Variants in RAPGEF1 observed in about 807,000 individuals in gnomAD.
RAPGEF1 encodes the protein Rap guanine nucleotide exchange factor 1.
A neutral mutation model predicts 143.3 loss-of-function variants in RAPGEF1; 33 were observed. The observed-to-expected ratio is 0.23, with a 90% CI of 0.17 to 0.31. RAPGEF1 has a LOEUF of 0.31. RAPGEF1 is among the 10% of genes least tolerant of loss of function. RAPGEF1 has a pLI of 1.00. For synonymous variants in RAPGEF1, 629 were observed against 676.5 expected, an observed-to-expected ratio of 0.93 and a Z score of 1.09; for missense variants, 1,199 against 1,645.4, an observed-to-expected ratio of 0.73 and a Z score of 4.69.
At chr9:131,709,549 T>A (rs1397974927) in intron 1 of RAPGEF1, 1 of 1,458,334 alleles carries the variant, frequency 6.9e-7, no homozygotes, top group Non-Finnish European at 9.6e-7. Context: ...TCAGCTCTGC[T>A]GCTGGGCCAG....
chr9:131,701,617 T>C (rs557989944), intron 1 of RAPGEF1, among the ~76,000 whole-genome samples: 24 of 152,378 alleles, frequency 1.6e-4, no homozygotes, highest in Non-Finnish European at 1.0e-4. Context: ...CAATACATAA[T>C]GGATTGCATA....
At chr9:131,638,202 TAAATA>T (rs1966840777) in intron 5 of RAPGEF1, among the ~76,000 whole-genome samples, 1 of 152,234 alleles carries the variant, frequency 6.6e-6, no homozygotes, top group Non-Finnish European at 1.5e-5. Context: ...GGATATCAAG[TAAATA>T]CAGAAAGTTC....
intron 1 of RAPGEF1, among the ~76,000 whole-genome samples, chr9:131,721,643 G>T (rs1836273481): frequency 6.6e-6 from 1 of 151,950 alleles, no homozygotes; most frequent in Non-Finnish European, 1.5e-5. Flanking sequence ...CTGATTCTAA[G>T]TCACAGACAT....
At chr9:131,654,861 T>G (rs1887786) in intron 1 of RAPGEF1, among the ~76,000 whole-genome samples, 32,706 of 152,146 alleles carry the variant, frequency 0.21, 4,182 homozygotes, top group Non-Finnish European at 0.29. Flanking sequence ...GAAGACTGCT[T>G]CTTTTAGTAA....
chr9:131,615,992 C>T (rs899721632), intron 12 of RAPGEF1, among the ~76,000 whole-genome samples: 13 of 152,076 alleles, frequency 8.5e-5, no homozygotes, highest in East Asian at 1.9e-4. Flanking sequence ...CGTGGCCAGG[C>T]GCAGTGGCTC....
chr9:131,714,657 A>G (rs1040211553), intron 1 of RAPGEF1, among the ~76,000 whole-genome samples: 2 of 151,852 alleles, frequency 1.3e-5, no homozygotes, highest in Admixed American at 1.3e-4. Flanking sequence ...ACTGAGGCAG[A>G]AAGTCTGGGA....
In RAPGEF1 at chr9:131,588,816, C is replaced by A; in HGVS notation, c.3038G>T (p.Arg1013Leu). ...GGCTTCTCACCTGGCTGCTACCCCC[C>A]GGGCTGCCAGGGGCTGGCTGGAGGT... ...CATSSQPLAA[R>L]GVAARPGTLH... Residue 1013 changes from arginine (R) to leucine (L), a missense_variant, in exon 20 of 27, where the codon CGG becomes CTG. Arg to Leu is a moderately radical substitution (Grantham distance 102). Coordinates refer to ENST00000683357, the MANE Select transcript of RAPGEF1 (RefSeq NM_001377935.1). 6.2e-7 allele frequency: 1 copy of A among 1,612,838 alleles called. No homozygotes were observed. Among genetic ancestry groups the A allele is most frequent in the Non-Finnish European group, 8.5e-7 (1 of 1,179,364 alleles).
intron 4 of RAPGEF1, among the ~76,000 whole-genome samples, chr9:131,640,214 C>A (rs974193527): frequency 6.6e-6 from 1 of 152,204 alleles, no homozygotes; most frequent in African/African-American, 2.4e-5. Context: ...GTGCTTCTAA[C>A]GGCTGGGCTG....
rs546959167 is a variant in RAPGEF1 at position 131,621,233 on chromosome 9, C to G, written c.1905+563G>C. The stretch of plus-strand genomic sequence containing the variant: ...TACATGCACAGGAGTCCTTAGCACA[C>G]GAGTGTTTTCTAGAAGAGGAAGGTG... On this transcript the variant is annotated intron_variant, in intron 11 of 26. Coordinates refer to ENST00000683357, the MANE Select transcript of RAPGEF1 (RefSeq NM_001377935.1). This position sits in a 1 kb window ranked among gnomAD's most constrained non-coding sequence, Gnocchi z 4.5. 6.6e-6 allele frequency among the ~76,000 whole-genome samples: 1 copy of G among 152,222 alleles called. No individual in the cohort carries two copies. Among genetic ancestry groups the G allele is most frequent in the East Asian group, 1.9e-4 (1 of 5,190 alleles).
intron 20 of RAPGEF1, 51 bp downstream of exon 20, chr9:131,588,750 A>T (rs369642606): frequency 2.5e-5 from 38 of 1,536,674 alleles, no homozygotes; most frequent in Non-Finnish European, 3.3e-5. Flanking sequence ...GTAAACTGAG[A>T]AAGGCACGGC....
In RAPGEF1 at chr9:131,650,848, C is replaced by T. The variant is rs775289732; in HGVS notation, c.163G>A (p.Glu55Lys). 1 of 1,614,012 alleles carries T rather than the reference C, an allele frequency of 6.2e-7. No homozygotes were observed. Among genetic ancestry groups the T allele is most frequent in the Non-Finnish European group, 8.5e-7 (1 of 1,179,900 alleles). ...RTPSKKGKPA[E>K]VSVKIPEKPV... ...TTCTCTGGAATCTTTACGGACACCT[C>T]AGCTGGTTTTCCCTTCTTTGATGGC... The change falls in exon 2 of 27, where the codon GAG becomes AAG. Residue 55 changes from glutamate (E) to lysine (K), a missense_variant. Coordinates refer to ENST00000683357, the MANE Select transcript of RAPGEF1 (RefSeq NM_001377935.1). The surrounding 1 kb of genome is among the most constrained non-coding windows in gnomAD (Gnocchi z 4.7).
intron 22 of RAPGEF1, among the ~76,000 whole-genome samples, chr9:131,586,152 C>A (rs1366612682): frequency 1.3e-5 from 2 of 151,868 alleles, no homozygotes; most frequent in Non-Finnish European, 2.9e-5. Context: ...GCCGAGATTG[C>A]GCCACTGCAC....
chr9:131,618,411 A>C (rs1479760402), intron 12 of RAPGEF1, among the ~76,000 whole-genome samples: 1 of 152,214 alleles, frequency 6.6e-6, no homozygotes, highest in East Asian at 1.9e-4. Flanking sequence ...GCAGTGACAA[A>C]TGCTCACTAT....
At chr9:131,645,105 T>C (rs1969181384) in intron 3 of RAPGEF1, among the ~76,000 whole-genome samples, 1 of 152,220 alleles carries the variant, frequency 6.6e-6, no homozygotes, top group Non-Finnish European at 1.5e-5. Context: ...TACGGTCTGT[T>C]TCCAAGAGGC....
intron 1 of RAPGEF1, among the ~76,000 whole-genome samples, chr9:131,734,855 AG>A (rs1202136295): frequency 6.6e-6 from 1 of 152,212 alleles, no homozygotes; most frequent in Non-Finnish European, 1.5e-5. Flanking sequence ...TTGAAACCGT[AG>A]CACACTGAGC....
rs566131953 is a variant in RAPGEF1 at position 131,700,735 on chromosome 9, GAGA to G, written c.61+39032_61+39034del. Among the ~76,000 whole-genome samples, 40 of 152,268 alleles carry G rather than the reference GAGA, an allele frequency of 2.6e-4. 1 individual carries two copies. The highest frequency in any genetic ancestry group is 2.3e-3 in the East Asian group (12 of 5,176). ...TCTGTTTTCTCCTTATTACAGTGGT[GAGA>G]AGAAGAAGGAGGTCTCCATTTGCAT... On this transcript the variant is annotated intron_variant, in intron 1 of 26. Transcript: ENST00000683357.
chr9:131,623,839 G>A (rs868827898), intron 10 of RAPGEF1, among the ~76,000 whole-genome samples: 3 of 152,232 alleles, frequency 2.0e-5, no homozygotes, highest in Admixed American at 6.5e-5. Context: ...GGGACTGAGC[G>A]TGCATGAACT....
chr9:131,686,629 G>T (rs1257539695), intron 1 of RAPGEF1, among the ~76,000 whole-genome samples: 1 of 152,146 alleles, frequency 6.6e-6, no homozygotes, highest in African/African-American at 2.4e-5. Context: ...CCTAGACGGG[G>T]TAATGAGGCC....
intron 17 of RAPGEF1, among the ~76,000 whole-genome samples, chr9:131,592,516 G>C (rs1267827992): frequency 4.6e-5 from 7 of 152,146 alleles, no homozygotes; most frequent in Non-Finnish European, 1.0e-4. Flanking sequence ...TGGTCCCAGC[G>C]GAAAAGGGCA....
Sources: gnomAD v4.1 joint callset for allele counts (sites outside exome capture counted in the v4.1 genomes callset) on GRCh38, gnomAD v4.1.1 for gene constraint, Gnocchi (gnomAD v3.1) non-coding constraint, MANE v1.5 for transcripts, NCBI Gene and HGNC (gene_info 2026-07-23, HGNC 2026-07-21) for gene names.